NECTIN3: variants seen among roughly 807,000 people sequenced by gnomAD.
The protein encoded by NECTIN3 is nectin cell adhesion molecule 3.
A neutral mutation model predicts 49.4 loss-of-function variants in NECTIN3; 8 were observed. The ratio of observed to expected loss-of-function variants is 0.16; its 90% CI spans 0.10 to 0.29. The LOEUF (loss-of-function observed/expected upper bound fraction) is 0.29, where lower values mean the gene tolerates loss of function less well. Ranked by LOEUF, NECTIN3 falls within the 10% of genes least tolerant of loss-of-function variation. The probability of loss-of-function intolerance (pLI) is 1.00; values close to 1 mark genes in which losing one functional copy is unlikely to be tolerated. For missense variants in NECTIN3, 581 were observed against 654.6 expected (o/e 0.89, Z 1.23); for synonymous variants, 277 against 241.1 (o/e 1.15, Z -1.38).
chr3:111,111,872 C>A, intron 1 of NECTIN3, 158 bp from the exon 2 acceptor site: 1 of 557,036 alleles, frequency 1.8e-6, no homozygotes, highest in East Asian at 2.9e-5. Context: ...GTGTGTGGTG[C>A]GTGTGAGTGC....
chr3:111,083,365 G>T (rs72935992), intron 1 of NECTIN3, among the ~76,000 whole-genome samples: 2 of 152,108 alleles, frequency 1.3e-5, no homozygotes, highest in Non-Finnish European at 2.9e-5. Flanking sequence ...GGTGTTAGGG[G>T]GCATAGGGCC....
At chr3:111,072,307 T>C in intron 1 of NECTIN3, 130 bp downstream of exon 1, 4 of 1,436,866 alleles carry the variant, frequency 2.8e-6, no homozygotes, top group Non-Finnish European at 3.6e-6. Context: ...GCCGAGGACT[T>C]TGGCTGGAAA....
At chr3:111,085,241 G>C (rs532192252) in intron 1 of NECTIN3, among the ~76,000 whole-genome samples, 5 of 152,308 alleles carry the variant, frequency 3.3e-5, no homozygotes, top group African/African-American at 9.6e-5. Context: ...CACTAGAGGT[G>C]AGGGCTTCAA....
At chr3:111,072,715 A>T in intron 1 of NECTIN3, 1 of 818,104 alleles carries the variant, frequency 1.2e-6, no homozygotes, top group Non-Finnish European at 1.9e-6. Context: ...TCTTGTGCCC[A>T]CTCCCCCGGC....
At chr3:111,114,925 G>A (rs1326782287) in intron 2 of NECTIN3, among the ~76,000 whole-genome samples, 1 of 152,116 alleles carries the variant, frequency 6.6e-6, no homozygotes, top group Non-Finnish European at 1.5e-5. Context: ...ACTTAAGTAT[G>A]CACGGATTTG....
At chr3:111,131,319 A>G (rs2034380739) in intron 5 of NECTIN3, among the ~76,000 whole-genome samples, 3 of 152,038 alleles carry the variant, frequency 2.0e-5, no homozygotes, top group South Asian at 4.1e-4. Context: ...GAAAAATAAT[A>G]TCTAACTGAA....
In NECTIN3 at chr3:111,136,488, T is replaced by C. The variant is rs2034579956; in HGVS notation, c.*2273T>C. ...AGGTTTCTGTGTTGTAAGAATCTGA[T>C]ACTAGTGCTTAAGACTTTGGGAAGC... On this transcript the variant is annotated 3_prime_UTR_variant, in exon 6 of 6. Transcript: ENST00000485303. 1 of 983,546 alleles carries C rather than the reference T, an allele frequency of 1.0e-6. No individual in the cohort carries two copies. Among genetic ancestry groups the C allele is most frequent in the Admixed American group, 6.2e-5 (1 of 16,126 alleles). 60.9% of individuals were successfully genotyped at this position (983,546 alleles called of 1,614,324 possible).
Position 111,118,272 on chromosome 3 carries a change from ATATATATATATT to A in NECTIN3, c.503-383_503-372del, listed in dbSNP as rs1447882901. 1.1e-3 allele frequency among the ~76,000 whole-genome samples: 156 copies of A among 135,798 alleles called. 3 individuals carry two copies. Among genetic ancestry groups the A allele is most frequent in the South Asian group, 4.6e-3 (20 of 4,374 alleles). The allele number at this position is 135,798 out of a possible 152,430, so 89.1% of individuals were successfully genotyped here. On this transcript the variant is annotated intron_variant, in intron 2 of 5. Coordinates refer to ENST00000485303, the MANE Select transcript of NECTIN3 (RefSeq NM_015480.3). ...GCTATATATATATATATATATATAT[ATATATATATATT>A]ATACATATATAAAACTTATCTTCCA...
chr3:111,168,983 G>A (rs1329001807), intron 7 of NECTIN3, among the ~76,000 whole-genome samples: 3 of 151,204 alleles, frequency 2.0e-5, no homozygotes, highest in Admixed American at 2.0e-4. Context: ...ATAATGATTA[G>A]GGAAAAGAAA....
chr3:111,072,042 C>T lies in NECTIN3; in HGVS notation c.25C>T (p.Pro9Ser). The T allele has an allele frequency of 6.5e-7, 1 of 1,541,032 alleles. No homozygotes were observed. The highest frequency in any genetic ancestry group is 1.2e-5 in the South Asian group (1 of 82,810). The change falls in exon 1 of 6, where the codon CCG (proline) becomes TCG (serine). Residue 9 changes from proline to serine, a missense_variant. Around this residue, in one of 3 missense-constraint regions of NECTIN3, gnomAD observed 109 missense variants for 69.1 expected, o/e 1.58. Coordinates refer to ENST00000485303, the MANE Select transcript of NECTIN3 (RefSeq NM_015480.3). MARTLRPS[P>S]LCPGGGKAQL... ...GATGGCGCGGACCCTGCGGCCGTCC[C>T]CGCTGTGTCCTGGAGGCGGCAAAGC...
At chr3:111,131,161 G>T (rs902938868) in intron 5 of NECTIN3, among the ~76,000 whole-genome samples, 2 of 151,928 alleles carry the variant, frequency 1.3e-5, no homozygotes, top group Non-Finnish European at 2.9e-5. Flanking sequence ...ACTAAAATAT[G>T]CCTTTTACGG....
At chr3:111,174,578 TTAA>T (rs2107528496) in intron 7 of NECTIN3, among the ~76,000 whole-genome samples, 1 of 152,172 alleles carries the variant, frequency 6.6e-6, no homozygotes, top group South Asian at 2.1e-4. Context: ...ATTTAGCCAT[TTAA>T]TAATATTAGG....
At chr3:111,111,335 C>T (rs2033451284) in intron 1 of NECTIN3, among the ~76,000 whole-genome samples, 1 of 151,954 alleles carries the variant, frequency 6.6e-6, no homozygotes, top group East Asian at 1.9e-4. Context: ...TTTTTCTTAA[C>T]CCTGAAATGG....
intron 5 of NECTIN3, among the ~76,000 whole-genome samples, chr3:111,143,208 A>T (rs2034792956): frequency 1.3e-5 from 2 of 151,650 alleles, no homozygotes; most frequent in South Asian, 4.2e-4. Flanking sequence ...GGGTTTCAAT[A>T]TTTTTTTTAA....
intron 1 of NECTIN3, among the ~76,000 whole-genome samples, chr3:111,087,481 T>C (rs2032000366): frequency 6.6e-6 from 1 of 151,964 alleles, no homozygotes; most frequent in Non-Finnish European, 1.5e-5. Flanking sequence ...GGCAAAATCC[T>C]GTCTCTATTA....
At chr3:111,189,203 A>G (rs1345774505), upstream of NECTIN3, among the ~76,000 whole-genome samples, 1 of 152,202 alleles carries the variant, frequency 6.6e-6, no homozygotes, top group East Asian at 1.9e-4. Flanking sequence ...TTTTCCTTCT[A>G]GAAGTGTCAG....
rs1314013234 is a variant in NECTIN3, at chr3:111,133,744, T to A, written c.1179T>A (p.Thr393=). 4 of 1,613,898 alleles carry A rather than the reference T, an allele frequency of 2.5e-6. No homozygotes were observed. In the Admixed American group the frequency reaches 6.7e-5, roughly 27 times the overall value. ...EPKKLPFPLS[T]LATIKDDTIA... Reference sequence around the variant, plus strand: ...AAAAATTGCCCTTCCCATTGTCAACTTTGGCAACAATTAAGGATGACACAA... The same window carrying A: ...AAAAATTGCCCTTCCCATTGTCAACATTGGCAACAATTAAGGATGACACAA... Residue 393 remains threonine, a synonymous_variant, in exon 6 of 6, where the codon ACT becomes ACA. Transcript: ENST00000485303.
chr3:111,192,274 T>G (rs748975639), upstream of NECTIN3: 6 of 1,319,696 alleles, frequency 4.5e-6, no homozygotes, highest in Non-Finnish European at 6.3e-6. Context: ...ATTGGCTCTT[T>G]TAAAAATAGG....
intron 1 of NECTIN3, among the ~76,000 whole-genome samples, chr3:111,088,283 A>G (rs1422141374): frequency 6.6e-6 from 1 of 152,064 alleles, no homozygotes; most frequent in African/African-American, 2.4e-5. Flanking sequence ...TCTCTGTACA[A>G]CCCAGCTGTC....
Sources: allele counts gnomAD v4.1 joint callset (sites outside exome capture counted in the v4.1 genomes callset), GRCh38; gene constraint gnomAD v4.1.1; regional missense constraint gnomAD v4.1.1; transcripts MANE v1.5; gene names NCBI Gene and HGNC (gene_info 2026-07-23, HGNC 2026-07-21).